Variants in PACRG observed in about 807,000 individuals in gnomAD.
PACRG encodes the protein parkin coregulated.
PACRG carries 29 observed loss-of-function variants against 29.7 expected under a neutral mutation model. The ratio of observed to expected loss-of-function variants is 0.98; its 90% CI spans 0.73 to 1.33. The LOEUF (loss-of-function observed/expected upper bound fraction) is 1.33. Among genes scored for constraint, PACRG ranks in the 40% most tolerant of loss-of-function variants. PACRG has a pLI of 0.00. For missense variants in PACRG, 279 were observed against 316.2 expected (o/e 0.88, Z 0.89); for synonymous variants, 116 against 118.7 (o/e 0.98, Z 0.15).
At chr6:163,260,726 T>C (rs1783291653) in intron 4 of PACRG, among the ~76,000 whole-genome samples, 1 of 152,138 alleles carries the variant, frequency 6.6e-6, no homozygotes, top group Admixed American at 6.5e-5. Context: ...TGTTCTGAGA[T>C]GGTTTCCTGT....
chr6:162,839,476 G>A (rs1789555491), intron 2 of PACRG, among the ~76,000 whole-genome samples: 1 of 148,822 alleles, frequency 6.7e-6, no homozygotes. Flanking sequence ...TGAGTTCATT[G>A]TAGATTCTGG....
At chr6:162,977,209 T>A (rs1802031208) in intron 2 of PACRG, among the ~76,000 whole-genome samples, 1 of 151,896 alleles carries the variant, frequency 6.6e-6, no homozygotes, top group Non-Finnish European at 1.5e-5. Context: ...ATAAATAATA[T>A]CACTAACATA....
intron 4 of PACRG, among the ~76,000 whole-genome samples, chr6:163,268,803 T>C (rs1362404848): frequency 6.6e-6 from 1 of 152,236 alleles, no homozygotes; most frequent in Non-Finnish European, 1.5e-5. Context: ...TTTCTTTCTT[T>C]GAGTGGCTCC....
chr6:163,160,850 G>C (rs909167863), intron 4 of PACRG, among the ~76,000 whole-genome samples: 11 of 152,046 alleles, frequency 7.2e-5, no homozygotes, highest in South Asian at 2.1e-4. Context: ...TCCCACCATG[G>C]TCTCTGGTTT....
rs528108182 is a variant in PACRG, at chr6:162,867,713, C to G, written c.291+53432C>G. Among the ~76,000 whole-genome samples the G allele has an allele frequency of 3.3e-5, 5 of 152,308 alleles. 1 individual carries two copies. The highest frequency in any genetic ancestry group is 1.2e-4 in the African/African-American group (5 of 41,570). ...TTTAAAATATTTTCTCCCTGTGACA[C>G]AGACACACCTTGATGAACCAGGTGG... On this transcript the variant is annotated intron_variant, in intron 2 of 4. Coordinates refer to ENST00000366888, the MANE Select transcript of PACRG (RefSeq NM_001080379.2).
At chr6:162,979,364 T>G (rs1802221735) in intron 2 of PACRG, among the ~76,000 whole-genome samples, 1 of 152,182 alleles carries the variant, frequency 6.6e-6, no homozygotes, top group Non-Finnish European at 1.5e-5. Flanking sequence ...TTTGCCCATT[T>G]CTTTATTGGA....
chr6:163,215,682 A>T (rs1290100443), intron 4 of PACRG, among the ~76,000 whole-genome samples: 1 of 152,184 alleles, frequency 6.6e-6, no homozygotes, highest in Non-Finnish European at 1.5e-5. Flanking sequence ...GGTTAATGAG[A>T]TCACCCAAGG....
chr6:162,804,460 C>T (rs746501924), intron 1 of PACRG, among the ~76,000 whole-genome samples: 3 of 152,038 alleles, frequency 2.0e-5, no homozygotes, highest in Non-Finnish European at 4.4e-5. Context: ...GATTTCCAGC[C>T]GGTTATTTTC....
chr6:162,914,329 T>C (rs2128083291), intron 2 of PACRG, among the ~76,000 whole-genome samples: 2 of 152,172 alleles, frequency 1.3e-5, no homozygotes, highest in East Asian at 3.9e-4. Context: ...CATCAATTGC[T>C]TTGATAATTT....
At chr6:162,894,793 T>G (rs2128046376) in intron 2 of PACRG, among the ~76,000 whole-genome samples, 1 of 152,336 alleles carries the variant, frequency 6.6e-6, no homozygotes, top group Middle Eastern at 3.4e-3. Context: ...ATAGTGTGCA[T>G]TTTTAGAGAG....
chr6:162,925,753 C>A (rs1278805701), intron 2 of PACRG, among the ~76,000 whole-genome samples: 1 of 152,132 alleles, frequency 6.6e-6, no homozygotes, highest in Non-Finnish European at 1.5e-5. Flanking sequence ...TGGAACAAGA[C>A]AAGGATGCCT....
At chr6:162,914,508 G>GTTTTTTTTTTTTTTTTTTT (rs3028611) in intron 2 of PACRG, among the ~76,000 whole-genome samples, 4 of 95,098 alleles carry the variant, frequency 4.2e-5, no homozygotes, top group Non-Finnish European at 4.2e-5. Context: ...GTACTTTTTT[G>GTTTTTTTTTTTTTTTTTTT]TTTTTTTTTT....
chr6:162,847,235 C>G (rs376281652), intron 2 of PACRG, among the ~76,000 whole-genome samples: 2 of 152,352 alleles, frequency 1.3e-5, no homozygotes, highest in South Asian at 2.1e-4. Context: ...ACACTTCCTT[C>G]TTCCTAGACT....
intron 4 of PACRG, among the ~76,000 whole-genome samples, chr6:163,304,866 C>T (rs1009154864): frequency 3.9e-5 from 6 of 152,120 alleles, no homozygotes; most frequent in African/African-American, 1.4e-4. Flanking sequence ...GAATCGGATC[C>T]ATTATAGAAC....
In PACRG at chr6:163,002,629, G is replaced by A. The variant is rs76747658; in HGVS notation, c.292-59521G>A. Among the ~76,000 whole-genome samples, 929 of 152,256 alleles carry A rather than the reference G, an allele frequency of 6.1e-3. 4 individuals are homozygous for A. The highest frequency in any genetic ancestry group is 0.015 in the African/African-American group (641 of 41,552). The stretch of plus-strand genomic sequence containing the variant: ...TGAATCAGTTAATCATTTAGTTAAT[G>A]AAAGAAATGTCTTCACGTTTTGCAA... On this transcript the variant is annotated intron_variant, in intron 2 of 4. Transcript: ENST00000366888.
chr6:163,143,695 T>C (rs76928111), intron 4 of PACRG, among the ~76,000 whole-genome samples: 2,319 of 152,256 alleles, frequency 0.015, 61 homozygotes, highest in African/African-American at 0.052. Context: ...ATAGCCCTAT[T>C]TGGTCACCAT....
At chr6:163,290,278 G>GCGCGCA (rs1554242204) in intron 4 of PACRG, among the ~76,000 whole-genome samples, 15 of 114,568 alleles carry the variant, frequency 1.3e-4, no homozygotes, top group Admixed American at 5.1e-4. Context: ...GCGCGCGCGC[G>GCGCGCA]CACACACACA....
chr6:163,249,233 T>A (rs1376693180), intron 4 of PACRG, among the ~76,000 whole-genome samples: 1 of 152,228 alleles, frequency 6.6e-6, no homozygotes, highest in African/African-American at 2.4e-5. Flanking sequence ...GAGTGGAGGT[T>A]GCCCTCAAAC....
intron 1 of PACRG, among the ~76,000 whole-genome samples, chr6:162,800,071 T>C (rs1022648043): frequency 1.3e-5 from 2 of 152,176 alleles, no homozygotes; most frequent in Admixed American, 1.3e-4. Context: ...TTATCAGTTC[T>C]ACAAGACAGA....
Sources: gnomAD v4.1 joint callset for allele counts (sites outside exome capture counted in the v4.1 genomes callset) on GRCh38, gnomAD v4.1.1 for gene constraint, MANE v1.5 for transcripts, NCBI Gene and HGNC (gene_info 2026-07-23, HGNC 2026-07-21) for gene names.